The following AGPAT4 variants were observed in gnomAD, a reference collection of about 807,000 sequenced individuals.
AGPAT4 encodes 1-acyl-sn-glycerol-3-phosphate acyltransferase delta.
Under a neutral mutation model 48.0 loss-of-function variants are expected in AGPAT4, and 15 were observed. The ratio of observed to expected loss-of-function variants is 0.31; its 90% confidence interval spans 0.21 to 0.48. The LOEUF (loss-of-function observed/expected upper bound fraction) is 0.48. Among genes scored for constraint, AGPAT4 ranks in the 20% least tolerant of loss-of-function variants. The probability of loss-of-function intolerance (pLI) is 0.99; values close to 1 mark genes in which losing one functional copy is unlikely to be tolerated. For missense variants in AGPAT4, 314 were observed against 482.5 expected (o/e 0.65, Z 3.27); for synonymous variants, 178 against 198.7 (o/e 0.90, Z 0.88).
chr6:161,190,272 T>C (rs1780884063), intron 2 of AGPAT4, among the ~76,000 whole-genome samples: 1 of 152,146 alleles, frequency 6.6e-6, no homozygotes, highest in Non-Finnish European at 1.5e-5. Context: ...GTAACAAATG[T>C]ACCAGACTAA....
chr6:161,262,487 C>T lies in AGPAT4; in HGVS notation c.-90+11451G>A, dbSNP rs1383825932. ...CTAGCTCATTCCTTTTTTTTTTCCC[C>T]CTCCTCATTATTCTCTCATAGCAAA... On this transcript the variant is annotated intron_variant, in intron 1 of 8. Coordinates refer to ENST00000320285, the MANE Select transcript of AGPAT4 (RefSeq NM_020133.3). This position sits in a 1 kb window ranked among gnomAD's most constrained non-coding sequence, Gnocchi z 4.9. Among the ~76,000 whole-genome samples the T allele has an allele frequency of 6.6e-6, 1 of 151,694 alleles. No individual in the cohort carries two copies. Among genetic ancestry groups the T allele is most frequent in the South Asian group, 2.1e-4 (1 of 4,814 alleles).
intron 1 of AGPAT4, among the ~76,000 whole-genome samples, chr6:161,248,571 C>CAAA (rs35527158): frequency 3.6e-4 from 23 of 63,656 alleles, no homozygotes; most frequent in African/African-American, 4.3e-4. Flanking sequence ...GACTCTGTCT[C>CAAA]AAAAAAAAAA....
intron 2 of AGPAT4, among the ~76,000 whole-genome samples, chr6:161,181,870 C>A (rs1780606801): frequency 6.6e-6 from 1 of 151,994 alleles, no homozygotes; most frequent in African/African-American, 2.4e-5. Flanking sequence ...CCCAAGGGGA[C>A]AAAAATTGGT....
intron 3 of AGPAT4, among the ~76,000 whole-genome samples, chr6:161,163,578 T>C (rs182755481): frequency 9.2e-5 from 14 of 152,150 alleles, no homozygotes; most frequent in Admixed American, 9.2e-4. Context: ...GGGGAGGGGG[T>C]TCCCTGGGAG....
In AGPAT4 at chr6:161,139,300, A is replaced by T; in HGVS notation, c.1042+122T>A. On this transcript the variant is annotated intron_variant, in intron 8 of 8. Coordinates refer to ENST00000320285, the MANE Select transcript of AGPAT4 (RefSeq NM_020133.3). This position sits in a 1 kb window ranked among gnomAD's most constrained non-coding sequence, Gnocchi z 9.1. Reference sequence around the variant, plus strand: ...AGTCTAATCTTTCCCTGTGATTGCAAGCTGAGCCTGCTCCTCATCCACGGC... The same window carrying T: ...AGTCTAATCTTTCCCTGTGATTGCATGCTGAGCCTGCTCCTCATCCACGGC... 1 of 1,124,582 alleles carries T rather than the reference A, an allele frequency of 8.9e-7. No individual in the cohort carries two copies. The highest frequency in any genetic ancestry group is 1.3e-6 in the Non-Finnish European group (1 of 781,486). 69.7% of individuals were successfully genotyped at this position (1,124,582 alleles called of 1,614,324 possible).
In AGPAT4 at chr6:161,249,537, T is replaced by A. The variant is rs1160734802; in HGVS notation, c.-89-17235A>T. The stretch of plus-strand genomic sequence containing the variant: ...ACAGACACTTTTCAGAAGACATACA[T>A]GAGGCCAGCAAACACATGAAAAAAA... On this transcript the variant is annotated intron_variant, in intron 1 of 8. Coordinates refer to ENST00000320285, the MANE Select transcript of AGPAT4 (RefSeq NM_020133.3). This position sits in a 1 kb window ranked among gnomAD's most constrained non-coding sequence, Gnocchi z 6.2. 2.0e-5 allele frequency among the ~76,000 whole-genome samples: 3 copies of A among 152,034 alleles called. No individual in the cohort carries two copies. Among genetic ancestry groups the A allele is most frequent in the African/African-American group, 7.2e-5 (3 of 41,390 alleles).
intron 1 of AGPAT4, among the ~76,000 whole-genome samples, chr6:161,239,064 C>T (rs973435223): frequency 6.6e-6 from 1 of 152,160 alleles, no homozygotes; most frequent in Non-Finnish European, 1.5e-5. Context: ...GACAAACGCT[C>T]TCACTCTAGC....
Position 161,161,426 on chromosome 6 carries a change from C to T in AGPAT4, c.348+4822G>A. ...CCAGATCCCAGCACACTTGCCAAAC[C>T]CAGTGAATGGTAAGAGGCAGAGGGT... is the stretch of plus-strand genomic sequence containing the variant. On this transcript the variant is annotated intron_variant, in intron 3 of 8. Coordinates refer to ENST00000320285, the MANE Select transcript of AGPAT4 (RefSeq NM_020133.3). This position sits in a 1 kb window ranked among gnomAD's most constrained non-coding sequence, Gnocchi z 4.6. 2.2e-6 allele frequency: 1 copy of T among 456,714 alleles called. No individual in the cohort carries two copies. Among genetic ancestry groups the T allele is most frequent in the Non-Finnish European group, 4.4e-6 (1 of 226,974 alleles). 28.3% of individuals were successfully genotyped at this position (456,714 alleles called of 1,614,324 possible).
At chr6:161,194,727 ATGTG>A (rs1202056322) in intron 2 of AGPAT4, among the ~76,000 whole-genome samples, 3 of 152,026 alleles carry the variant, frequency 2.0e-5, no homozygotes, top group Admixed American at 2.0e-4. Flanking sequence ...GTATGTGCAT[ATGTG>A]TGTGTGTATT....
Position 161,138,453 on chromosome 6 carries a change from C to T in AGPAT4, c.1042+969G>A, listed in dbSNP as rs1779147560. On this transcript the variant is annotated intron_variant, in intron 8 of 8. Coordinates refer to ENST00000320285, the MANE Select transcript of AGPAT4 (RefSeq NM_020133.3). The surrounding 1 kb of genome is among the most constrained non-coding windows in gnomAD (Gnocchi z 4.8). ...GAAAAGGCGAGCTGAAGAAACTCCACTGATACGGGTTTATAGATGCACATA... is the reference window on the plus strand; with the variant it reads ...GAAAAGGCGAGCTGAAGAAACTCCATTGATACGGGTTTATAGATGCACATA... Among the ~76,000 whole-genome samples the T allele has an allele frequency of 6.6e-6, 1 of 152,252 alleles. No individual in the cohort carries two copies. The highest frequency in any genetic ancestry group is 2.1e-4 in the South Asian group (1 of 4,814).
At chr6:161,248,641 A>T (rs1782730193) in intron 1 of AGPAT4, among the ~76,000 whole-genome samples, 1 of 152,032 alleles carries the variant, frequency 6.6e-6, no homozygotes, top group Non-Finnish European at 1.5e-5. Flanking sequence ...TACAAGGAGA[A>T]CTACAAAACA....
At chr6:161,173,124 A>T (rs1335246308) in intron 2 of AGPAT4, among the ~76,000 whole-genome samples, 1 of 152,212 alleles carries the variant, frequency 6.6e-6, no homozygotes, top group African/African-American at 2.4e-5. Flanking sequence ...GTGTCTTTAT[A>T]GCAGCATGAT....
rs1323335060 is a variant in AGPAT4, at chr6:161,136,226, C to G, written c.*314G>C. ...GAACTTGTCCCCTTCGGTCCCCAGC[C>G]CTGCCCTCCCCTGCAGCCTAAAATA... On this transcript the variant is annotated 3_prime_UTR_variant, in exon 9 of 9. Coordinates refer to ENST00000320285, the MANE Select transcript of AGPAT4 (RefSeq NM_020133.3). The G allele has an allele frequency of 9.2e-6, 3 of 326,884 alleles. No individual in the cohort carries two copies. Among genetic ancestry groups the G allele is most frequent in the Non-Finnish European group, 1.7e-5 (3 of 175,472 alleles). The allele number at this position is 326,884 out of a possible 1,614,324, so 20.2% of individuals were successfully genotyped here. A position where few individuals can be genotyped will look rare whatever the true frequency, so the allele number is the denominator to read the frequency against.
chr6:161,160,625 A>G (rs924197528), intron 3 of AGPAT4: 27 of 219,348 alleles, frequency 1.2e-4, no homozygotes, highest in South Asian at 4.0e-4. Flanking sequence ...AGAGGAGAAG[A>G]GGACCGTGCA....
rs1783468395 is a variant in AGPAT4, at chr6:161,272,848, G to A, written c.-90+1090C>T. 6.6e-6 allele frequency among the ~76,000 whole-genome samples: 1 copy of A among 152,138 alleles called. No individual in the cohort carries two copies. The highest frequency in any genetic ancestry group is 1.5e-5 in the Non-Finnish European group (1 of 68,042). On this transcript the variant is annotated intron_variant, in intron 1 of 8. Coordinates refer to ENST00000320285, the MANE Select transcript of AGPAT4 (RefSeq NM_020133.3). This position sits in a 1 kb window ranked among gnomAD's most constrained non-coding sequence, Gnocchi z 4.2. ...GAAAAAGTCTAGCAACCCTCACCTT[G>A]AAGAGAGTGAATAGCGTGGCTAATC...
Position 161,189,040 on chromosome 6 carries a change from G to A in AGPAT4, c.179-22623C>T, listed in dbSNP as rs2114999590. On this transcript the variant is annotated intron_variant, in intron 2 of 8. Coordinates refer to ENST00000320285, the MANE Select transcript of AGPAT4 (RefSeq NM_020133.3). This position sits in a 1 kb window ranked among gnomAD's most constrained non-coding sequence, Gnocchi z 5.3. Reference sequence around the variant, plus strand: ...AGAACACGTGTTTCTTAGAATCTTAGTAATTTTGAAGTAATAAATCTGTGC... The same window carrying A: ...AGAACACGTGTTTCTTAGAATCTTAATAATTTTGAAGTAATAAATCTGTGC... Among the ~76,000 whole-genome samples the A allele has an allele frequency of 6.6e-6, 1 of 152,284 alleles. No homozygotes were observed.
Position 161,210,551 on chromosome 6 carries a change from G to C in AGPAT4, c.178+21485C>G, listed in dbSNP as rs1335235958. Reference sequence around the variant, plus strand: ...AATTAATTAGTTTAAGAAAACTAAAGCACTTGAATCAAATACTTTATCAGG... The same window carrying C: ...AATTAATTAGTTTAAGAAAACTAAACCACTTGAATCAAATACTTTATCAGG... On this transcript the variant is annotated intron_variant, in intron 2 of 8. Transcript: ENST00000320285. Among the ~76,000 whole-genome samples, 3 of 152,096 alleles carry C rather than the reference G, an allele frequency of 2.0e-5. No individual in the cohort carries two copies. The East Asian group carries it at 5.8e-4, about 29-fold the overall frequency.
In AGPAT4 at chr6:161,230,635, G is replaced by A. The variant is rs138397892; in HGVS notation, c.178+1401C>T. ...AAGTTTTTCCTTTTTCTATACCACC[G>A]TAGAAGGGTACATACTTGGAGACCA... On this transcript the variant is annotated intron_variant, in intron 2 of 8. Transcript: ENST00000320285. Among the ~76,000 whole-genome samples, 6 of 152,038 alleles carry A rather than the reference G, an allele frequency of 3.9e-5. No homozygotes were observed. In the East Asian group the frequency reaches 5.8e-4, roughly 15 times the overall value.
chr6:161,186,591 C>T (rs1053110430), intron 2 of AGPAT4, among the ~76,000 whole-genome samples: 2 of 152,056 alleles, frequency 1.3e-5, no homozygotes, highest in Non-Finnish European at 2.9e-5. Context: ...CAAAGTCACC[C>T]GCTCCGCATG....
Sources: allele counts gnomAD v4.1 joint callset (sites outside exome capture counted in the v4.1 genomes callset), GRCh38; gene constraint gnomAD v4.1.1; non-coding constraint Gnocchi (gnomAD v3.1); transcripts MANE v1.5; gene names NCBI Gene and HGNC (gene_info 2026-07-23, HGNC 2026-07-21).